The following S100Z variants were observed in gnomAD, a reference collection of about 807,000 sequenced individuals.
S100Z encodes protein S100-Z.
S100Z carries 11 observed loss-of-function variants against 8.5 expected under a neutral mutation model. The observed-to-expected ratio is 1.30, with a 90% CI of 0.82 to 2.15. The LOEUF (loss-of-function observed/expected upper bound fraction) is 2.15, where lower values mean the gene tolerates loss of function less well. S100Z is among the 30% of genes most tolerant of loss of function. The pLI, the probability that S100Z is intolerant of heterozygous loss-of-function variation, is 0.00. For synonymous variants in S100Z, 34 were observed against 43.8 expected, an observed-to-expected ratio of 0.78 and a Z score of 0.89; for missense variants, 126 against 117.9, an observed-to-expected ratio of 1.07 and a Z score of -0.32.
At chr5:76,895,692 A>G (rs1007557178) in intron 4 of S100Z, among the ~76,000 whole-genome samples, 14 of 151,950 alleles carry the variant, frequency 9.2e-5, no homozygotes, top group African/African-American at 3.4e-4. Context: ...AGTTAAAAGC[A>G]ATCCAATTAC....
At chr5:76,907,945 A>C (rs1286345213) in intron 4 of S100Z, among the ~76,000 whole-genome samples, 3 of 152,172 alleles carry the variant, frequency 2.0e-5, no homozygotes, top group African/African-American at 7.2e-5. Context: ...CCTGGGCAGC[A>C]TGGTGAAAGC....
intron 3 of S100Z, 61 bp from the exon 4 acceptor site, chr5:76,877,613 A>G: frequency 1.0e-6 from 1 of 972,202 alleles, no homozygotes; most frequent in Non-Finnish European, 1.6e-6. Context: ...AGGAAGATGA[A>G]TTTCAATTGT....
At chr5:76,951,291 G>A in the S100Z span, among the ~76,000 whole-genome samples, 4 of 152,232 alleles carry the variant, frequency 2.6e-5, no homozygotes, top group Admixed American at 1.3e-4. Flanking sequence ...CATCACTGTT[G>A]TCTGTGCACG....
chr5:76,950,131 T>C, the S100Z span, among the ~76,000 whole-genome samples: 126 of 152,342 alleles, frequency 8.3e-4, no homozygotes, highest in Admixed American at 3.1e-3. Context: ...TTTTCTAACA[T>C]TTCAACTAAT....
the S100Z span, among the ~76,000 whole-genome samples, chr5:76,932,574 G>A: frequency 2.6e-5 from 4 of 152,030 alleles, no homozygotes; most frequent in Admixed American, 1.3e-4. Flanking sequence ...GGCTGGTCTC[G>A]AACTCTTGGC....
chr5:76,891,976 A>G (rs1192316884), intron 4 of S100Z, among the ~76,000 whole-genome samples: 2 of 152,170 alleles, frequency 1.3e-5, no homozygotes, highest in African/African-American at 4.8e-5. Flanking sequence ...CTTATCAAAC[A>G]TTAGGATTTG....
At chr5:76,952,906 G>A in the S100Z span, 1 of 551,698 alleles carries the variant, frequency 1.8e-6, no homozygotes, top group Non-Finnish European at 3.2e-6. Context: ...TTGTGGCTGA[G>A]AGCTGGACCC....
chr5:76,885,140 T>G (rs1396720187), intron 4 of S100Z, among the ~76,000 whole-genome samples: 2 of 152,166 alleles, frequency 1.3e-5, no homozygotes, highest in East Asian at 3.8e-4. Flanking sequence ...AATAAGGCGT[T>G]TAAGTTTTAG....
At chr5:76,861,833 G>A (rs1579994458) in intron 1 of S100Z, among the ~76,000 whole-genome samples, 1 of 152,192 alleles carries the variant, frequency 6.6e-6, no homozygotes, top group East Asian at 1.9e-4. Flanking sequence ...TTAGTCATCA[G>A]TATAAATAAC....
intron 4 of S100Z, among the ~76,000 whole-genome samples, chr5:76,886,446 C>G (rs771111258): frequency 6.6e-6 from 1 of 152,132 alleles, no homozygotes; most frequent in African/African-American, 2.4e-5. Flanking sequence ...GCCACTTACC[C>G]GATTTAAAAT....
intron 4 of S100Z, among the ~76,000 whole-genome samples, chr5:76,891,480 G>T (rs1243112178): frequency 6.6e-6 from 1 of 152,132 alleles, no homozygotes; most frequent in Non-Finnish European, 1.5e-5. Context: ...AACTGTCTAG[G>T]ACGGCAGCTG....
At chr5:76,851,988 G>A (rs1750741880) in intron 1 of S100Z, among the ~76,000 whole-genome samples, 1 of 151,724 alleles carries the variant, frequency 6.6e-6, no homozygotes, top group Admixed American at 6.6e-5. Context: ...GGTGGGTTTT[G>A]TTTGTTTGTC....
intron 1 of S100Z, among the ~76,000 whole-genome samples, 197 bp downstream of exon 1, chr5:76,850,352 GA>G (rs1750690718): frequency 6.7e-6 from 1 of 148,876 alleles, no homozygotes; most frequent in Non-Finnish European, 1.5e-5. Context: ...GAGAGAGAGA[GA>G]GAGAGGGAGA....
intron 4 of S100Z, among the ~76,000 whole-genome samples, chr5:76,886,140 G>A (rs781041219): frequency 4.6e-5 from 7 of 152,272 alleles, no homozygotes; most frequent in Middle Eastern, 3.4e-3. Context: ...GGTGCTTGCC[G>A]CTAAGGGTGA....
At chr5:76,891,746 C>G (rs1322448189) in intron 4 of S100Z, among the ~76,000 whole-genome samples, 1 of 151,840 alleles carries the variant, frequency 6.6e-6, no homozygotes, top group Non-Finnish European at 1.5e-5. Flanking sequence ...AACACAAGAA[C>G]AGTAGATAGA....
intron 4 of S100Z, among the ~76,000 whole-genome samples, chr5:76,900,104 A>T (rs928492172): frequency 2.0e-5 from 3 of 152,132 alleles, no homozygotes; most frequent in Non-Finnish European, 4.4e-5. Context: ...GTCTGCTGTC[A>T]GATGTATTGG....
At chr5:76,888,906 C>T (rs1164901235) in intron 4 of S100Z, among the ~76,000 whole-genome samples, 2 of 152,228 alleles carry the variant, frequency 1.3e-5, no homozygotes, top group African/African-American at 4.8e-5. Context: ...CATGGTGATT[C>T]TCCCGCCTTT....
intron 2 of S100Z, among the ~76,000 whole-genome samples, chr5:76,872,712 G>C (rs1743053359): frequency 6.6e-6 from 1 of 152,130 alleles, no homozygotes; most frequent in Non-Finnish European, 1.5e-5. Context: ...TGTAATCCCA[G>C]CATTTTGGGA....
chr5:76,906,115 C>T (rs1222257625), intron 4 of S100Z, among the ~76,000 whole-genome samples: 1 of 152,186 alleles, frequency 6.6e-6, no homozygotes, highest in Non-Finnish European at 1.5e-5. Context: ...TAGGCATCAG[C>T]CACCACACCC....
Sources: gnomAD v4.1 joint callset for allele counts (sites outside exome capture counted in the v4.1 genomes callset) on GRCh38, gnomAD v4.1.1 for gene constraint, MANE v1.5 for transcripts, NCBI Gene and HGNC (gene_info 2026-07-23, HGNC 2026-07-21) for gene names.